The following ADCY2 variants were observed in gnomAD, a reference collection of about 807,000 sequenced individuals.
The protein encoded by ADCY2 is adenylate cyclase type 2.
ADCY2 carries 31 observed loss-of-function variants against 125.2 expected under a neutral mutation model. The observed-to-expected ratio is 0.25, with a 90% CI of 0.19 to 0.33. ADCY2 has a LOEUF of 0.33. Among genes scored for constraint, ADCY2 ranks in the 10% least tolerant of loss-of-function variants. The pLI, the probability that ADCY2 is intolerant of heterozygous loss-of-function variation, is 1.00. For synonymous variants in ADCY2, 512 were observed against 548.4 expected, an observed-to-expected ratio of 0.93 and a Z score of 0.93; for missense variants, 904 against 1,418.2, an observed-to-expected ratio of 0.64 and a Z score of 5.82.
intron 2 of ADCY2, among the ~76,000 whole-genome samples, chr5:7,490,768 G>A (rs895976255): frequency 6.6e-6 from 1 of 152,122 alleles, no homozygotes; most frequent in East Asian, 1.9e-4. Flanking sequence ...TTTAAGGTAT[G>A]CCAAGCAACC....
intron 17 of ADCY2, among the ~76,000 whole-genome samples, chr5:7,768,036 G>A (rs10053004): frequency 2.0e-4 from 29 of 147,124 alleles, no homozygotes; most frequent in African/African-American, 2.0e-4. Flanking sequence ...GTCTCAAAAA[G>A]AAAAAAAAAA....
intron 4 of ADCY2, among the ~76,000 whole-genome samples, chr5:7,688,289 A>T (rs1740591943): frequency 6.7e-6 from 1 of 148,348 alleles, no homozygotes; most frequent in Admixed American, 6.7e-5. Context: ...TTTTTTTGAG[A>T]CAGAGTCTCA....
rs550760538 is a variant in ADCY2 at position 7,396,646 on chromosome 5, C to A, written c.210+140C>A. The A allele has an allele frequency of 1.2e-4, 56 of 468,310 alleles. No homozygotes were observed. Among genetic ancestry groups the A allele is most frequent in the African/African-American group, 1.1e-3 (53 of 46,848 alleles). 29.0% of individuals were successfully genotyped at this position (468,310 alleles called of 1,614,324 possible). A position where few individuals can be genotyped will look rare whatever the true frequency, so the allele number is the denominator to read the frequency against. ...CCCGCGGCAGCCCCTCGGCCCGCGG[C>A]TCCCTGCTTCTCCTGCTGGCCCGCG... On this transcript the variant is annotated intron_variant, in intron 1 of 24. Transcript: ENST00000338316. This position sits in a 1 kb window ranked among gnomAD's most constrained non-coding sequence, Gnocchi z 5.7.
chr5:7,499,675 A>AT (rs1743489277), intron 2 of ADCY2, among the ~76,000 whole-genome samples: 1 of 132,242 alleles, frequency 7.6e-6, no homozygotes, highest in African/African-American at 2.7e-5. Flanking sequence ...ATATATATAT[A>AT]TATATATGTA....
intron 2 of ADCY2, among the ~76,000 whole-genome samples, chr5:7,447,603 C>A (rs1741315814): frequency 1.3e-5 from 2 of 152,162 alleles, no homozygotes; most frequent in South Asian, 4.1e-4. Context: ...AATGTTCACT[C>A]CCACAGCCTG....
intron 4 of ADCY2, among the ~76,000 whole-genome samples, chr5:7,631,679 G>A (rs1299575980): frequency 2.6e-5 from 4 of 152,210 alleles, no homozygotes; most frequent in Non-Finnish European, 5.9e-5. Flanking sequence ...CTAACATGAA[G>A]CAACAGAAAT....
At chr5:7,791,899 T>C (rs527957467) in intron 20 of ADCY2, among the ~76,000 whole-genome samples, 60 of 152,060 alleles carry the variant, frequency 3.9e-4, no homozygotes, top group African/African-American at 1.4e-3. Flanking sequence ...AGGAAGTGGC[T>C]TCTGAATCTG....
At chr5:7,573,593 CTTTTT>C (rs763347773) in intron 3 of ADCY2, among the ~76,000 whole-genome samples, 11 of 86,370 alleles carry the variant, frequency 1.3e-4, no homozygotes, top group Non-Finnish European at 2.1e-4. Flanking sequence ...GGTTGATTTT[CTTTTT>C]TTTTTTTTTT....
chr5:7,425,314 A>G (rs887132718), intron 2 of ADCY2, among the ~76,000 whole-genome samples: 3 of 152,224 alleles, frequency 2.0e-5, no homozygotes, highest in African/African-American at 7.2e-5. Context: ...GATGGCGGCT[A>G]TCTTAGGGCT....
intron 14 of ADCY2, among the ~76,000 whole-genome samples, chr5:7,727,895 A>G (rs1255549540): frequency 1.3e-5 from 2 of 152,134 alleles, no homozygotes; most frequent in Non-Finnish European, 2.9e-5. Context: ...TATGATCCCT[A>G]GGTCATCTTT....
chr5:7,427,402 G>T (rs530015788), intron 2 of ADCY2, among the ~76,000 whole-genome samples: 5 of 152,294 alleles, frequency 3.3e-5, no homozygotes, highest in African/African-American at 1.2e-4. Flanking sequence ...ATGGCAGAAG[G>T]TGAAGAAGAA....
intron 3 of ADCY2, among the ~76,000 whole-genome samples, chr5:7,603,602 G>A (rs759857020): frequency 1.1e-4 from 16 of 152,052 alleles, no homozygotes; most frequent in Non-Finnish European, 1.8e-4. Flanking sequence ...AGCTACTGTT[G>A]AGCCTGAGGA....
intron 4 of ADCY2, among the ~76,000 whole-genome samples, chr5:7,675,919 C>T (rs755934300): frequency 4.6e-5 from 7 of 152,116 alleles, no homozygotes; most frequent in Non-Finnish European, 8.8e-5. Flanking sequence ...TTAAGACTAG[C>T]GAGTGTATAG....
intron 14 of ADCY2, among the ~76,000 whole-genome samples, chr5:7,741,683 C>CCTAT (rs1742422731): frequency 6.2e-4 from 3 of 4,806 alleles, no homozygotes; most frequent in Admixed American, 2.3e-3. Flanking sequence ...ATCACCATCA[C>CCTAT]CGTCACCATC....
chr5:7,808,135 C>T lies in ADCY2; in HGVS notation c.2883+3443C>T, dbSNP rs74718975. On this transcript the variant is annotated intron_variant, in intron 22 of 24. Coordinates refer to ENST00000338316, the MANE Select transcript of ADCY2 (RefSeq NM_020546.3). ...CTCCAACTTTCACAGAAGGCTTTCC[C>T]GTGCCCCAACCTGGGGAGCTTTGCC... Among the ~76,000 whole-genome samples, 551 of 152,254 alleles carry T rather than the reference C, an allele frequency of 3.6e-3. 7 individuals carry two copies. Among genetic ancestry groups the T allele is most frequent in the African/African-American group, 0.013 (520 of 41,556 alleles).
intron 1 of ADCY2, among the ~76,000 whole-genome samples, chr5:7,405,705 G>A (rs1739459162): frequency 6.6e-6 from 1 of 152,230 alleles, no homozygotes; most frequent in African/African-American, 2.4e-5. Flanking sequence ...CAGTGTAGGA[G>A]AGAATTACAC....
chr5:7,817,042 T>G, intron 23 of ADCY2, 62 bp downstream of exon 23: 1 of 1,247,966 alleles, frequency 8.0e-7, no homozygotes, highest in Non-Finnish European at 1.2e-6. Flanking sequence ...AAGGAGTAAG[T>G]CAGGAGATAT....
chr5:7,506,220 A>C (rs1048524740), intron 2 of ADCY2, among the ~76,000 whole-genome samples: 2 of 152,248 alleles, frequency 1.3e-5, no homozygotes, highest in Admixed American at 6.5e-5. Context: ...CAAAGTGTGT[A>C]AACAGTTGGA....
At chr5:7,773,433 G>A (rs1039820116) in intron 18 of ADCY2, among the ~76,000 whole-genome samples, 5 of 152,076 alleles carry the variant, frequency 3.3e-5, no homozygotes, top group African/African-American at 7.2e-5. Context: ...TGCGGGCGCC[G>A]TCCTGTGCGT....
Sources: allele counts gnomAD v4.1 joint callset (sites outside exome capture counted in the v4.1 genomes callset), GRCh38; gene constraint gnomAD v4.1.1; non-coding constraint Gnocchi (gnomAD v3.1); transcripts MANE v1.5; gene names NCBI Gene and HGNC (gene_info 2026-07-23, HGNC 2026-07-21).